Variants in ADAMTS12 observed in about 807,000 individuals in gnomAD.
The protein encoded by ADAMTS12 is ADAM metallopeptidase with thrombospondin type 1 motif 12.
ADAMTS12 carries 118 observed loss-of-function variants against 167.8 expected under a neutral mutation model. The ratio of observed to expected loss-of-function variants is 0.70; its 90% CI spans 0.61 to 0.82. The LOEUF (loss-of-function observed/expected upper bound fraction) is 0.82. Ranked by LOEUF, ADAMTS12 falls within the 40% of genes least tolerant of loss-of-function variation. The pLI is 0.00. For synonymous variants in ADAMTS12, 704 were observed against 716.9 expected (o/e 0.98, Z 0.29); for missense variants, 1,916 against 1,998.8 (o/e 0.96, Z 0.79).
At chr5:33,605,815 C>A (rs4469200) in intron 16 of ADAMTS12, among the ~76,000 whole-genome samples, 88,188 of 152,010 alleles carry the variant, frequency 0.58, 25,852 homozygotes, top group East Asian at 0.82. Flanking sequence ...TCGTTTAATT[C>A]TCATACCAAC....
intron 16 of ADAMTS12, among the ~76,000 whole-genome samples, chr5:33,613,602 A>G (rs918602730): frequency 2.6e-5 from 4 of 152,216 alleles, no homozygotes; most frequent in Admixed American, 1.3e-4. Flanking sequence ...CTTATGTAGG[A>G]AATGAAGCAG....
chr5:33,824,152 A>C (rs1298338900), intron 2 of ADAMTS12, among the ~76,000 whole-genome samples: 1 of 152,218 alleles, frequency 6.6e-6, no homozygotes, highest in Non-Finnish European at 1.5e-5. Flanking sequence ...AACAAGCACT[A>C]AGATATCCTA....
intron 19 of ADAMTS12, among the ~76,000 whole-genome samples, chr5:33,574,088 CAGGAAACAACAGGTG>C (rs1305936800): frequency 6.6e-6 from 1 of 151,410 alleles, no homozygotes; most frequent in African/African-American, 2.4e-5. Flanking sequence ...ATTAAAAAGT[CAGGAAACAACAGGTG>C]CTGGAGAGGA....
intron 20 of ADAMTS12, among the ~76,000 whole-genome samples, chr5:33,560,027 T>A (rs941818260): frequency 2.6e-5 from 4 of 152,240 alleles, no homozygotes; most frequent in Admixed American, 6.5e-5. Context: ...AGGTGATTCA[T>A]GATTTAATTA....
chr5:33,612,737 G>A (rs1026511229), intron 16 of ADAMTS12, among the ~76,000 whole-genome samples: 1 of 151,966 alleles, frequency 6.6e-6, no homozygotes, highest in Non-Finnish European at 1.5e-5. Context: ...CCCAGTCCCC[G>A]ACCCTGAGCA....
intron 19 of ADAMTS12, 87 bp downstream of exon 19, chr5:33,575,967 G>A: frequency 6.6e-7 from 1 of 1,505,940 alleles, no homozygotes. Context: ...ATATTTTAAT[G>A]CAAACTCATT....
intron 13 of ADAMTS12, among the ~76,000 whole-genome samples, chr5:33,630,093 T>C (rs1468808420): frequency 6.6e-6 from 1 of 152,216 alleles, no homozygotes; most frequent in Non-Finnish European, 1.5e-5. Context: ...ACCATTATGA[T>C]TCACTAACTG....
At chr5:33,599,008 CAACA>C (rs1379112531) in intron 16 of ADAMTS12, among the ~76,000 whole-genome samples, 3 of 152,176 alleles carry the variant, frequency 2.0e-5, no homozygotes, top group African/African-American at 7.2e-5. Flanking sequence ...ACATGTAGGT[CAACA>C]GTCAGCCCCA....
chr5:33,709,772 G>C (rs1743328663), intron 3 of ADAMTS12, among the ~76,000 whole-genome samples: 1 of 151,952 alleles, frequency 6.6e-6, no homozygotes. Flanking sequence ...TAATACCTAG[G>C]TGATGGGTTG....
At chr5:33,578,385 A>G (rs1338112406) in intron 18 of ADAMTS12, among the ~76,000 whole-genome samples, 2 of 152,242 alleles carry the variant, frequency 1.3e-5, no homozygotes, top group African/African-American at 4.8e-5. Context: ...GTCATAGAAT[A>G]AGCATTAGAT....
At chr5:33,608,543 T>C (rs889295263) in intron 16 of ADAMTS12, among the ~76,000 whole-genome samples, 1 of 152,158 alleles carries the variant, frequency 6.6e-6, no homozygotes, top group African/African-American at 2.4e-5. Flanking sequence ...TGAGATGCAG[T>C]TCCTTTGACT....
At chr5:33,594,131 T>C (rs903644005) in intron 17 of ADAMTS12, among the ~76,000 whole-genome samples, 10 of 152,222 alleles carry the variant, frequency 6.6e-5, no homozygotes, top group Admixed American at 1.3e-4. Flanking sequence ...TGGGAGATAA[T>C]TGAATCACGG....
chr5:33,874,877 G>C (rs1017513871), intron 2 of ADAMTS12, among the ~76,000 whole-genome samples: 1 of 152,120 alleles, frequency 6.6e-6, no homozygotes, highest in Non-Finnish European at 1.5e-5. Flanking sequence ...AGACCATTCT[G>C]GCCAACATGG....
intron 19 of ADAMTS12, among the ~76,000 whole-genome samples, chr5:33,561,665 C>T (rs2111892040): frequency 6.6e-6 from 1 of 152,270 alleles, no homozygotes; most frequent in East Asian, 1.9e-4. Flanking sequence ...CTTGCATTCC[C>T]AGCTACTTAG....
intron 16 of ADAMTS12, among the ~76,000 whole-genome samples, chr5:33,612,137 G>A (rs1738757380): frequency 6.6e-6 from 1 of 152,214 alleles, no homozygotes; most frequent in Non-Finnish European, 1.5e-5. Flanking sequence ...TAGATATGCT[G>A]CTGTCTTTCT....
At position 33,793,127 on chromosome 5, in the gene ADAMTS12, C is replaced by G. The variant is rs1027893205; in HGVS notation, c.490-41579G>C. Among the ~76,000 whole-genome samples, 5 of 152,246 alleles carry G rather than the reference C, an allele frequency of 3.3e-5. No individual in the cohort carries two copies. In the South Asian group the frequency reaches 8.3e-4, roughly 25 times the overall value. Reference sequence around the variant, plus strand: ...CCTCTTGGCCACCACGGCTCTTCCTCAATTACGGCTATCCAATTTATCTCC... The same window carrying G: ...CCTCTTGGCCACCACGGCTCTTCCTGAATTACGGCTATCCAATTTATCTCC... On this transcript the variant is annotated intron_variant, in intron 2 of 23. Coordinates refer to ENST00000504830, the MANE Select transcript of ADAMTS12 (RefSeq NM_030955.4).
chr5:33,779,935 A>G (rs1160010686), intron 2 of ADAMTS12, among the ~76,000 whole-genome samples: 1 of 152,228 alleles, frequency 6.6e-6, no homozygotes, highest in Non-Finnish European at 1.5e-5. Flanking sequence ...ACTATAGTTA[A>G]TAATATTGTA....
chr5:33,768,095 GA>G (rs1561261472), intron 2 of ADAMTS12, among the ~76,000 whole-genome samples: 1 of 152,146 alleles, frequency 6.6e-6, no homozygotes, highest in East Asian at 1.9e-4. Flanking sequence ...CATTCAGGCC[GA>G]AGTTAGTTGA....
At chr5:33,802,426 A>G (rs1207199875) in intron 2 of ADAMTS12, among the ~76,000 whole-genome samples, 1 of 152,190 alleles carries the variant, frequency 6.6e-6, no homozygotes, top group Non-Finnish European at 1.5e-5. Context: ...ACCACCCACA[A>G]TGTCACAGTA....
Sources: gnomAD v4.1 joint callset for allele counts (sites outside exome capture counted in the v4.1 genomes callset) on GRCh38, gnomAD v4.1.1 for gene constraint, MANE v1.5 for transcripts, NCBI Gene and HGNC (gene_info 2026-07-23, HGNC 2026-07-21) for gene names.